Variants in CLASRP observed in about 807,000 individuals in gnomAD.
The protein encoded by CLASRP is CLK4-associating serine/arginine rich protein.
Under a neutral mutation model 99.9 loss-of-function variants are expected in CLASRP, and 52 were observed. The ratio of observed to expected loss-of-function variants is 0.52; its 90% CI spans 0.42 to 0.66. CLASRP has a LOEUF of 0.66. Ranked by LOEUF, CLASRP falls within the 30% of genes least tolerant of loss-of-function variation. The pLI is 0.00. For missense variants in CLASRP, 848 were observed against 999.2 expected (o/e 0.85, Z 2.04); for synonymous variants, 379 against 373.0 (o/e 1.02, Z -0.18).
chr19:45,053,359 G>C (rs902161197), intron 5 of CLASRP, among the ~76,000 whole-genome samples, 182 bp downstream of exon 5: 2 of 152,162 alleles, frequency 1.3e-5, no homozygotes, highest in Non-Finnish European at 2.9e-5. Flanking sequence ...ATTTGGTATA[G>C]GGGATGTCTG....
intron 2 of CLASRP, among the ~76,000 whole-genome samples, chr19:45,048,466 C>T (rs1346461879): frequency 6.6e-6 from 1 of 151,448 alleles, no homozygotes; most frequent in East Asian, 2.0e-4. Flanking sequence ...GCGGAGGTTG[C>T]AGTGAGCCGA....
intron 1 of CLASRP, 54 bp from the exon 2 acceptor site, chr19:45,040,130 T>G (rs539579423): frequency 4.2e-4 from 392 of 938,544 alleles, no homozygotes; most frequent in Non-Finnish European, 6.1e-4. Context: ...ACTTTGATTC[T>G]GCCCATACGG....
chr19:45,064,291 G>T, intron 12 of CLASRP, 52 bp from the exon 13 acceptor site: 5 of 1,510,010 alleles, frequency 3.3e-6, no homozygotes, highest in Non-Finnish European at 3.5e-6. Context: ...CGGGGCAGAG[G>T]GGGGCCGCGG....
intron 8 of CLASRP, among the ~76,000 whole-genome samples, chr19:45,059,869 C>T (rs999389615): frequency 2.0e-5 from 3 of 152,114 alleles, no homozygotes; most frequent in South Asian, 2.1e-4. Flanking sequence ...TCACCATGGC[C>T]GAAAGGTCTT....
At chr19:45,039,985 A>T (rs761259311) in intron 1 of CLASRP, 199 bp from the exon 2 acceptor site, 21 of 418,110 alleles carry the variant, frequency 5.0e-5, no homozygotes, top group Non-Finnish European at 9.0e-5. Context: ...GTTTTTCAGA[A>T]TGCCCAAGCT....
intron 5 of CLASRP, among the ~76,000 whole-genome samples, chr19:45,054,259 G>GT (rs531871268): frequency 5.3e-5 from 8 of 151,692 alleles, no homozygotes; most frequent in Non-Finnish European, 7.4e-5. Flanking sequence ...GGGGTTTTTT[G>GT]TTTTTTTTGA....
chr19:45,059,229 G>T (rs1014953869), intron 7 of CLASRP, 39 bp from the exon 8 acceptor site: 3 of 1,558,422 alleles, frequency 1.9e-6, no homozygotes, highest in Non-Finnish European at 2.6e-6. Context: ...CTGTCCTCTC[G>T]CTCGGCCGTG....
At chr19:45,056,706 G>A (rs1972125688) in intron 6 of CLASRP, among the ~76,000 whole-genome samples, 172 bp downstream of exon 6, 1 of 152,200 alleles carries the variant, frequency 6.6e-6, no homozygotes, top group African/African-American at 2.4e-5. Context: ...CCCTGTCAGG[G>A]GGCCCCGGCT....
chr19:45,059,332 G>C lies in CLASRP; in HGVS notation c.678G>C (p.Thr226=), dbSNP rs760869853. Residue 226 remains threonine (T), a synonymous_variant, in exon 8 of 21, where the codon ACG becomes ACC. Coordinates refer to ENST00000221455, the MANE Select transcript of CLASRP (RefSeq NM_007056.3). Reference sequence around the variant, plus strand: ...TGGCAGATCTCAACAAACAGGCCACGACTTATGGCATGGCCGACGGTGACT... The same window carrying C: ...TGGCAGATCTCAACAAACAGGCCACCACTTATGGCATGGCCGACGGTGACT... ...EQVADLNKQA[T]TYGMADGDFV... 81 of 1,603,836 alleles carry C rather than the reference G, an allele frequency of 5.1e-5. No individual in the cohort carries two copies. Among genetic ancestry groups the C allele is most frequent in the Non-Finnish European group, 6.5e-5 (76 of 1,174,998 alleles).
At chr19:45,051,314 C>CT (rs1484689972) in intron 2 of CLASRP, among the ~76,000 whole-genome samples, 5 of 151,092 alleles carry the variant, frequency 3.3e-5, no homozygotes, top group Non-Finnish European at 4.4e-5. Flanking sequence ...TCTTCAATTT[C>CT]TTTTTTTTTC....
rs1277851246 is a variant in CLASRP at position 45,043,193 on chromosome 19, CTT to C, written c.99+2884_99+2885del. ...TCCCAAGCACTTCAGATAAGGAATA[CTT>C]TGTGTGTGTGTGTGTGTGTGTGTGT... is the stretch of plus-strand genomic sequence containing the variant. On this transcript the variant is annotated intron_variant, in intron 2 of 20. Transcript: ENST00000221455. 8.7e-4 allele frequency among the ~76,000 whole-genome samples: 81 copies of C among 93,328 alleles called. 1 individual carries two copies. Among genetic ancestry groups the C allele is most frequent in the African/African-American group, 3.1e-3 (80 of 25,420 alleles). 61.2% of individuals were successfully genotyped at this position (93,328 alleles called of 152,430 possible).
chr19:45,068,087 T>G, intron 15 of CLASRP, 33 bp downstream of exon 15: 1 of 1,608,726 alleles, frequency 6.2e-7, no homozygotes, highest in Non-Finnish European at 8.5e-7. Context: ...CCCGTCTAAT[T>G]CCCGTCAGCA....
intron 2 of CLASRP, among the ~76,000 whole-genome samples, chr19:45,050,861 C>T (rs1168951336): frequency 2.0e-5 from 3 of 151,848 alleles, no homozygotes; most frequent in African/African-American, 2.4e-5. Context: ...GGATTACAGG[C>T]GCCTGCCACC....
rs183622091 is a variant in CLASRP at position 45,054,430 on chromosome 19, A to G, written c.379+1253A>G. Among the ~76,000 whole-genome samples the G allele has an allele frequency of 3.7e-3, 564 of 152,216 alleles. 2 individuals are homozygous for G. Among genetic ancestry groups the G allele is most frequent in the African/African-American group, 0.013 (536 of 41,540 alleles). On this transcript the variant is annotated intron_variant, in intron 5 of 20. Coordinates refer to ENST00000221455, the MANE Select transcript of CLASRP (RefSeq NM_007056.3). ...ATGCCCGGCTAAGTTTTGTAGTTTT[A>G]GTAGAGACGGGGATTTCACCATCTT... is the stretch of plus-strand genomic sequence containing the variant.
chr19:45,044,222 G>A (rs1971871323), intron 2 of CLASRP, among the ~76,000 whole-genome samples: 1 of 152,230 alleles, frequency 6.6e-6, no homozygotes, highest in African/African-American at 2.4e-5. Context: ...GCCAGACCCA[G>A]TGCTCACCAG....
At chr19:45,063,595 C>T (rs756291522) in intron 11 of CLASRP, among the ~76,000 whole-genome samples, 9 of 151,386 alleles carry the variant, frequency 5.9e-5, no homozygotes, top group African/African-American at 1.2e-4. Flanking sequence ...TACAGGTGCG[C>T]GCCACCATGC....
chr19:45,068,326 C>CCCCCCCCCCCCCCA, intron 15 of CLASRP, 94 bp from the exon 16 acceptor site: 1 of 630,496 alleles, frequency 1.6e-6, no homozygotes, highest in Non-Finnish European at 2.9e-6. Context: ...CCCCCACCCC[C>CCCCCCCCCCCCCCA]CCCCCGCACA....
chr19:45,069,271 C>T (rs1246977047), intron 18 of CLASRP, 23 bp downstream of exon 18: 28 of 1,611,316 alleles, frequency 1.7e-5, no homozygotes, highest in Admixed American at 3.3e-5. Flanking sequence ...CCCTCCCTGT[C>T]CCATGGCCAC....
Position 45,060,397 on chromosome 19 carries a change from G to A in CLASRP, c.719G>A (p.Arg240Gln), listed in dbSNP as rs557975213. 24 of 1,614,020 alleles carry A rather than the reference G, an allele frequency of 1.5e-5. No individual in the cohort carries two copies. In the East Asian group the frequency reaches 3.3e-4, roughly 22 times the overall value. ...MADGDFVRML[R>Q]KDKEEAEAIK... Reference sequence around the variant, plus strand: ...CTCACCCACCTCTATAGGATGCTCCGGAAAGACAAGGAGGAGGCAGAGGCC... The same window carrying A: ...CTCACCCACCTCTATAGGATGCTCCAGAAAGACAAGGAGGAGGCAGAGGCC... Residue 240 changes from arginine (R) to glutamine (Q), a missense_variant, in exon 9 of 21, where the codon CGG (arginine) becomes CAG (glutamine). Arg to Gln is a conservative substitution (Grantham distance 43). Coordinates refer to ENST00000221455, the MANE Select transcript of CLASRP (RefSeq NM_007056.3). The surrounding 1 kb of genome is among the most constrained non-coding windows in gnomAD (Gnocchi z 4.6).
Sources: allele counts gnomAD v4.1 joint callset (sites outside exome capture counted in the v4.1 genomes callset), GRCh38; gene constraint gnomAD v4.1.1; non-coding constraint Gnocchi (gnomAD v3.1); transcripts MANE v1.5; gene names NCBI Gene and HGNC (gene_info 2026-07-23, HGNC 2026-07-21).